Variants in DOP1B observed in about 807,000 individuals in gnomAD.
DOP1B encodes the protein protein DOP1B.
A neutral mutation model predicts 233.5 loss-of-function variants in DOP1B; 174 were observed. The observed-to-expected ratio is 0.75, with a 90% CI of 0.66 to 0.85. DOP1B has a LOEUF of 0.85. DOP1B is among the 40% of genes least tolerant of loss of function. DOP1B has a pLI of 0.00. For missense variants in DOP1B, 2,652 were observed against 2,846.6 expected (o/e 0.93, Z 1.56); for synonymous variants, 1,190 against 1,185.6 (o/e 1.00, Z -0.08).
intron 2 of DOP1B, among the ~76,000 whole-genome samples, chr21:36,192,358 A>G (rs2066243141): frequency 1.3e-5 from 2 of 150,240 alleles, no homozygotes; most frequent in African/African-American, 4.9e-5. Flanking sequence ...GACACTGTCA[A>G]AAAAAAAAAA....
At chr21:36,228,815 A>AAATAAAATAAAATAAAAT (rs1555892412) in intron 13 of DOP1B, among the ~76,000 whole-genome samples, 14 of 119,500 alleles carry the variant, frequency 1.2e-4, no homozygotes, top group African/African-American at 4.3e-4. Context: ...AAATAAAATA[A>AAATAAAATAAAATAAAAT]AATAAAATAA....
At chr21:36,182,259 C>G (rs559597441) in intron 2 of DOP1B, among the ~76,000 whole-genome samples, 3 of 152,102 alleles carry the variant, frequency 2.0e-5, no homozygotes, top group Admixed American at 6.6e-5. Context: ...ACCATTCTGC[C>G]CTCTTCTTTC....
chr21:36,275,838 C>T (rs573240572), intron 27 of DOP1B, among the ~76,000 whole-genome samples: 6 of 152,074 alleles, frequency 3.9e-5, no homozygotes, highest in East Asian at 1.9e-4. Context: ...TGAGTCCTTC[C>T]GAGGGAAAGA....
rs1158041587 is a variant in DOP1B, at chr21:36,233,010, G to T, written c.2557G>T (p.Val853Leu). The change falls in exon 15 of 37, where the codon GTG becomes TTG. Residue 853 changes from valine to leucine, a missense_variant. Coordinates refer to ENST00000691173, the MANE Select transcript of DOP1B (RefSeq NM_001320714.2). ...CCCTTTTTTTGGCAAGCTGCAGATG[G>T]TGACGGTTCCTCCCATTGCTCCAGG... ...HNPFFGKLQM[V>L]TVPPIAPGIL... is the part of the protein sequence containing the mutation. 3 of 1,614,004 alleles carry T rather than the reference G, an allele frequency of 1.9e-6. No individual in the cohort carries two copies. Among genetic ancestry groups the T allele is most frequent in the African/African-American group, 2.7e-5 (2 of 74,920 alleles).
intron 35 of DOP1B, among the ~76,000 whole-genome samples, chr21:36,289,427 G>A (rs1289706769): frequency 9.8e-5 from 1 of 10,210 alleles, no homozygotes; most frequent in Non-Finnish European, 1.7e-4. Context: ...TTTCTATGGT[G>A]TGTGTGTGTG....
intron 4 of DOP1B, among the ~76,000 whole-genome samples, chr21:36,201,345 C>CTTT (rs1172730528): frequency 0.23 from 19,058 of 82,622 alleles, 3,620 homozygotes; most frequent in African/African-American, 0.32. Flanking sequence ...CTATTGGATT[C>CTTT]TTTTTTTTTT....
chr21:36,186,682 G>A (rs2066169454), intron 2 of DOP1B, among the ~76,000 whole-genome samples: 1 of 152,130 alleles, frequency 6.6e-6, no homozygotes, highest in Non-Finnish European at 1.5e-5. Flanking sequence ...CCGGAGTGTG[G>A]GCTTTGCAGG....
chr21:36,289,427 GTGT>G (rs2067531053), intron 35 of DOP1B, among the ~76,000 whole-genome samples: 5 of 10,210 alleles, frequency 4.9e-4, no homozygotes, highest in Admixed American at 2.6e-3. Context: ...TTTCTATGGT[GTGT>G]GTGTGTGTGT....
Position 36,245,947 on chromosome 21 carries a change from C to G in DOP1B, c.3967C>G (p.Leu1323Val). The change falls in exon 19 of 37, where the codon CTG becomes GTG. Residue 1323 changes from leucine to valine, a missense_variant. Physicochemically the swap from Leu to Val is conservative, Grantham distance 32. Coordinates refer to ENST00000691173, the MANE Select transcript of DOP1B (RefSeq NM_001320714.2). The surrounding 1 kb of genome is among the most constrained non-coding windows in gnomAD (Gnocchi z 5.5). ...GCTCACCTACCTCTGCCTGAGCTTCCTGCGCTCCTACTACCCTTGCTATTT... is the reference window on the plus strand; with the variant it reads ...GCTCACCTACCTCTGCCTGAGCTTCGTGCGCTCCTACTACCCTTGCTATTT... ...ELLTYLCLSF[L>V]RSYYPCYLKV... is the part of the protein sequence containing the mutation. 6.2e-7 allele frequency: 1 copy of G among 1,614,058 alleles called. No individual in the cohort carries two copies. The highest frequency in any genetic ancestry group is 8.5e-7 in the Non-Finnish European group (1 of 1,180,022).
Position 36,294,130 on chromosome 21 carries a change from A to G in DOP1B, c.*559A>G, listed in dbSNP as rs2067589108. 6.5e-6 allele frequency: 1 copy of G among 153,352 alleles called. No individual in the cohort carries two copies. Among genetic ancestry groups the G allele is most frequent in the Admixed American group, 6.5e-5 (1 of 15,380 alleles). The allele number at this position is 153,352 out of a possible 1,614,324, so 9.5% of individuals were successfully genotyped here. A position where few individuals can be genotyped will look rare whatever the true frequency, so the allele number is the denominator to read the frequency against. ...AATTAATATATCATCTAACAGTAGC[A>G]CAAAATTTGTAATATGAAGTAAAGT... On this transcript the variant is annotated 3_prime_UTR_variant, in exon 37 of 37. Transcript: ENST00000691173.
At chr21:36,160,930 C>T (rs2065863388) in intron 1 of DOP1B, among the ~76,000 whole-genome samples, 1 of 152,166 alleles carries the variant, frequency 6.6e-6, no homozygotes, top group Non-Finnish European at 1.5e-5. Flanking sequence ...CAACAGGCAG[C>T]CCACACTGCG....
chr21:36,225,666 T>C lies in DOP1B; in HGVS notation c.1472T>C (p.Leu491Ser). The C allele has an allele frequency of 6.2e-7, 1 of 1,614,136 alleles. No individual in the cohort carries two copies. Among genetic ancestry groups the C allele is most frequent in the Non-Finnish European group, 8.5e-7 (1 of 1,180,014 alleles). The part of the protein sequence containing the change: ...LLVFLLDVIP[L>S]ELYSEVQTQY... ...GTCTTCCTGCTGGATGTCATTCCTTTGGTGAGTGCTGGGGAAGGGACATCT... is the reference window on the plus strand; with the variant it reads ...GTCTTCCTGCTGGATGTCATTCCTTCGGTGAGTGCTGGGGAAGGGACATCT... The change falls in exon 12 of 37, where the codon TTG (leucine) becomes TCG (serine). Residue 491 changes from leucine (L) to serine (S), a missense_variant and splice_region_variant. By Grantham distance (145) the Leu-to-Ser change is moderately radical. This residue lies in a region of DOP1B where 2,617 missense variants were observed against 2,794.3 expected (regional missense o/e 0.94). Transcript: ENST00000691173.
At chr21:36,199,596 C>T (rs2066336615) in intron 3 of DOP1B, among the ~76,000 whole-genome samples, 1 of 152,114 alleles carries the variant, frequency 6.6e-6, no homozygotes, top group Non-Finnish European at 1.5e-5. Context: ...CTCCCCCGAC[C>T]CCATGACAGG....
intron 32 of DOP1B, among the ~76,000 whole-genome samples, chr21:36,285,902 G>A (rs1371553142): frequency 6.6e-6 from 1 of 152,038 alleles, no homozygotes; most frequent in Non-Finnish European, 1.5e-5. Context: ...CAGCTACTTG[G>A]GAGGCTGAGG....
intron 26 of DOP1B, among the ~76,000 whole-genome samples, chr21:36,266,672 G>A (rs1160017026): frequency 1.3e-5 from 2 of 152,290 alleles, no homozygotes; most frequent in East Asian, 3.9e-4. Flanking sequence ...AGGCATGATG[G>A]ATTAAATCAC....
chr21:36,180,646 C>T (rs966950631), intron 2 of DOP1B, among the ~76,000 whole-genome samples: 11 of 149,976 alleles, frequency 7.3e-5, no homozygotes, highest in South Asian at 2.1e-4. Flanking sequence ...ACTGGGAGGC[C>T]GAGGCGGGGG....
intron 2 of DOP1B, among the ~76,000 whole-genome samples, chr21:36,194,825 C>G (rs913565018): frequency 6.6e-6 from 1 of 152,088 alleles, no homozygotes. Flanking sequence ...TGCAGCTTGT[C>G]TCTCTTGATA....
At chr21:36,242,680 C>T (rs1296576362) in intron 18 of DOP1B, among the ~76,000 whole-genome samples, 1 of 152,132 alleles carries the variant, frequency 6.6e-6, no homozygotes, top group African/African-American at 2.4e-5. Context: ...TCCTGCTGAC[C>T]ACAGAAATGG....
intron 32 of DOP1B, among the ~76,000 whole-genome samples, chr21:36,287,715 T>TAGCTGGGACTACAGGC (rs2067502586): frequency 6.7e-6 from 1 of 149,628 alleles, no homozygotes; most frequent in Non-Finnish European, 1.5e-5. Flanking sequence ...GCCTCCCAAG[T>TAGCTGGGACTACAGGC]AGCTGGGACT....
Sources: gnomAD v4.1 joint callset for allele counts (sites outside exome capture counted in the v4.1 genomes callset) on GRCh38, gnomAD v4.1.1 for gene constraint, gnomAD v4.1.1 regional missense constraint, Gnocchi (gnomAD v3.1) non-coding constraint, MANE v1.5 for transcripts, NCBI Gene and HGNC (gene_info 2026-07-23, HGNC 2026-07-21) for gene names.